The following SUGCT variants were observed in gnomAD, a reference collection of about 807,000 sequenced individuals.
The protein encoded by SUGCT is succinyl-CoA:glutarate CoA-transferase.
In SUGCT, 41 loss-of-function variants were observed where a neutral mutation model predicts 55.0. The observed-to-expected ratio is 0.74, with a 90% CI of 0.58 to 0.97. The LOEUF (loss-of-function observed/expected upper bound fraction) is 0.97. Ranked by LOEUF, SUGCT falls within the 50% of genes least tolerant of loss-of-function variation. The probability of loss-of-function intolerance (pLI) is 0.00; values close to 1 mark genes in which losing one functional copy is unlikely to be tolerated. For missense variants in SUGCT, 568 were observed against 547.8 expected (o/e 1.04, Z -0.37); for synonymous variants, 187 against 200.4 (o/e 0.93, Z 0.56).
At chr7:40,143,080 C>T (rs115142244) in intron 1 of SUGCT, among the ~76,000 whole-genome samples, 8 of 152,068 alleles carry the variant, frequency 5.3e-5, no homozygotes, top group Admixed American at 5.2e-4. Context: ...AGAGGCTTCC[C>T]TTGCTTTATG....
intron 9 of SUGCT, among the ~76,000 whole-genome samples, chr7:40,405,562 C>A (rs187731740): frequency 6.6e-6 from 1 of 152,054 alleles, no homozygotes; most frequent in Non-Finnish European, 1.5e-5. Context: ...TTTATCCCAG[C>A]ACTTTGGGAG....
intron 9 of SUGCT, among the ~76,000 whole-genome samples, chr7:40,349,045 A>G (rs1172469934): frequency 2.6e-5 from 4 of 152,092 alleles, no homozygotes; most frequent in East Asian, 1.9e-4. Flanking sequence ...GGATATTTCT[A>G]TAGGTCTTTT....
chr7:40,476,910 C>T lies in SUGCT; in HGVS notation c.986+17712C>T, dbSNP rs978591203. Among the ~76,000 whole-genome samples, 87 of 152,170 alleles carry T rather than the reference C, an allele frequency of 5.7e-4. No homozygotes were observed. In the Middle Eastern group the frequency reaches 0.014, roughly 24 times the overall value. On this transcript the variant is annotated intron_variant, in intron 11 of 13. Transcript: ENST00000335693. The stretch of plus-strand genomic sequence containing the variant: ...CTCTCAGGTTCAAGTGATTCTCCTG[C>T]CTCAGCCTCCTCAGTAGTCCCTGTA...
At chr7:40,398,300 C>T (rs148486640) in intron 9 of SUGCT, among the ~76,000 whole-genome samples, 63 of 152,214 alleles carry the variant, frequency 4.1e-4, no homozygotes, top group African/African-American at 1.4e-3. Flanking sequence ...CCATGTTGGC[C>T]GGGCTGGTCT....
chr7:40,747,575 G>C (rs1787796410), intron 12 of SUGCT, among the ~76,000 whole-genome samples: 1 of 152,160 alleles, frequency 6.6e-6, no homozygotes, highest in Admixed American at 6.5e-5. Context: ...TTGGGATGCT[G>C]GCATGAAATC....
chr7:40,908,823 T>C, the SUGCT span, among the ~76,000 whole-genome samples: 5 of 152,204 alleles, frequency 3.3e-5, no homozygotes, highest in Non-Finnish European at 5.9e-5. Flanking sequence ...AAAAGCATGA[T>C]GACTTAGTAA....
chr7:40,975,561 A>G, the SUGCT span, among the ~76,000 whole-genome samples: 1 of 152,194 alleles, frequency 6.6e-6, no homozygotes, highest in African/African-American at 2.4e-5. Context: ...TGATTCAATG[A>G]TTCTTCAGTT....
At chr7:40,447,626 C>A (rs1378111749) in intron 9 of SUGCT, among the ~76,000 whole-genome samples, 1 of 151,882 alleles carries the variant, frequency 6.6e-6, no homozygotes, top group Non-Finnish European at 1.5e-5. Context: ...TGGGATTGAT[C>A]AAAATTCTCT....
chr7:41,003,712 C>T, the SUGCT span, among the ~76,000 whole-genome samples: 1 of 152,202 alleles, frequency 6.6e-6, no homozygotes, highest in African/African-American at 2.4e-5. Flanking sequence ...CATCCAAGAT[C>T]AACAAATGAA....
intron 11 of SUGCT, among the ~76,000 whole-genome samples, 166 bp downstream of exon 11, chr7:40,459,364 T>C (rs988967974): frequency 6.6e-6 from 1 of 152,086 alleles, no homozygotes; most frequent in African/African-American, 2.4e-5. Flanking sequence ...GGTTTTTTTG[T>C]TTGTTTGTTT....
chr7:40,991,815 G>A, the SUGCT span, among the ~76,000 whole-genome samples: 26 of 152,088 alleles, frequency 1.7e-4, no homozygotes, highest in Admixed American at 5.2e-4. Context: ...CCTCCAGGAC[G>A]AGCACGTATC....
chr7:40,260,247 A>G (rs1286337370), intron 7 of SUGCT, among the ~76,000 whole-genome samples: 2 of 152,160 alleles, frequency 1.3e-5, no homozygotes, highest in Non-Finnish European at 2.9e-5. Flanking sequence ...TGCTGCTAAT[A>G]TATATCTGTT....
intron 12 of SUGCT, among the ~76,000 whole-genome samples, chr7:40,663,587 G>T (rs1801448961): frequency 6.6e-6 from 1 of 151,528 alleles, no homozygotes; most frequent in Non-Finnish European, 1.5e-5. Context: ...GTGATGGGGT[G>T]GTCTCTTGTA....
At chr7:40,870,694 A>G in the SUGCT span, among the ~76,000 whole-genome samples, 1 of 152,168 alleles carries the variant, frequency 6.6e-6, no homozygotes, top group Non-Finnish European at 1.5e-5. Context: ...TGCCTTAAAC[A>G]ATTATTTGGT....
chr7:40,157,141 C>T (rs992046287), intron 1 of SUGCT, among the ~76,000 whole-genome samples: 1 of 151,864 alleles, frequency 6.6e-6, no homozygotes, highest in African/African-American at 2.4e-5. Flanking sequence ...GATATAAAAC[C>T]CAGAGTGTTG....
At chr7:40,552,952 G>C (rs1327928768) in intron 12 of SUGCT, among the ~76,000 whole-genome samples, 1 of 152,126 alleles carries the variant, frequency 6.6e-6, no homozygotes, top group East Asian at 1.9e-4. Context: ...TCCCTATTCA[G>C]AGTTTGAGAT....
chr7:40,164,597 T>C (rs1236942187), intron 1 of SUGCT, among the ~76,000 whole-genome samples: 3 of 152,344 alleles, frequency 2.0e-5, no homozygotes, highest in East Asian at 3.9e-4. Flanking sequence ...TTTTTTATTA[T>C]GCATAAACAT....
the SUGCT span, among the ~76,000 whole-genome samples, chr7:40,870,059 G>A: frequency 6.6e-5 from 10 of 152,096 alleles, no homozygotes; most frequent in Non-Finnish European, 7.4e-5. Flanking sequence ...AGTATATTTT[G>A]GGGAAATATT....
chr7:40,361,658 T>TA (rs1300823427), intron 9 of SUGCT, among the ~76,000 whole-genome samples: 8 of 152,166 alleles, frequency 5.3e-5, no homozygotes, highest in Non-Finnish European at 1.2e-4. Flanking sequence ...TGTTTTAATT[T>TA]AAAAAGCAAG....
Sources: allele counts gnomAD v4.1 joint callset (sites outside exome capture counted in the v4.1 genomes callset), GRCh38; gene constraint gnomAD v4.1.1; transcripts MANE v1.5; gene names NCBI Gene and HGNC (gene_info 2026-07-23, HGNC 2026-07-21).